RNF150: variants seen among roughly 807,000 people sequenced by gnomAD.
RNF150 encodes ring finger protein 150.
In RNF150, 24 loss-of-function variants were observed where a neutral mutation model predicts 39.3. That is an observed-to-expected ratio of 0.61 (90% CI 0.44 to 0.86). The LOEUF (loss-of-function observed/expected upper bound fraction) is 0.86, where lower values mean the gene tolerates loss of function less well. Among genes scored for constraint, RNF150 ranks in the 40% least tolerant of loss-of-function variants. The pLI, the probability that RNF150 is intolerant of heterozygous loss-of-function variation, is 0.00. For missense variants in RNF150, 502 were observed against 587.8 expected (o/e 0.85, Z 1.51); for synonymous variants, 255 against 227.3 (o/e 1.12, Z -1.10).
intron 1 of RNF150, among the ~76,000 whole-genome samples, chr4:140,993,075 T>C (rs999933323): frequency 1.3e-5 from 2 of 152,110 alleles, no homozygotes; most frequent in African/African-American, 4.8e-5. Flanking sequence ...TGCATTGGTT[T>C]CCTATCACTG....
At chr4:141,098,482 G>A (rs1386615880) in intron 1 of RNF150, among the ~76,000 whole-genome samples, 1 of 152,234 alleles carries the variant, frequency 6.6e-6, no homozygotes, top group Non-Finnish European at 1.5e-5. Context: ...TGGGAGTCAA[G>A]AGTTGCAGGT....
At chr4:141,020,268 C>T (rs1735442862) in intron 1 of RNF150, among the ~76,000 whole-genome samples, 1 of 152,150 alleles carries the variant, frequency 6.6e-6, no homozygotes, top group African/African-American at 2.4e-5. Context: ...TCTTATTCCT[C>T]TTCCCCAATA....
intron 1 of RNF150, among the ~76,000 whole-genome samples, chr4:141,185,606 C>G (rs1225449884): frequency 2.0e-5 from 3 of 152,130 alleles, no homozygotes; most frequent in African/African-American, 7.2e-5. Flanking sequence ...TTGTCTTGTG[C>G]CAGTTTTCAA....
chr4:140,996,050 C>T (rs2111489359), intron 1 of RNF150, among the ~76,000 whole-genome samples: 1 of 152,226 alleles, frequency 6.6e-6, no homozygotes, highest in African/African-American at 2.4e-5. Context: ...TGAGGACCCG[C>T]CATACAGTTC....
chr4:141,105,986 A>G (rs762226187), intron 1 of RNF150, among the ~76,000 whole-genome samples: 1 of 151,978 alleles, frequency 6.6e-6, no homozygotes, highest in Non-Finnish European at 1.5e-5. Flanking sequence ...CATCTCACCT[A>G]TTTTTCAGTT....
At chr4:140,876,450 C>T (rs1255040998) in intron 6 of RNF150, among the ~76,000 whole-genome samples, 1 of 152,222 alleles carries the variant, frequency 6.6e-6, no homozygotes, top group Non-Finnish European at 1.5e-5. Context: ...AGGAGATAAA[C>T]TACTTCCCAC....
intron 1 of RNF150, among the ~76,000 whole-genome samples, chr4:141,044,409 G>A (rs969593455): frequency 1.3e-5 from 2 of 151,954 alleles, no homozygotes; most frequent in Non-Finnish European, 2.9e-5. Context: ...TGAACTCTGG[G>A]TCTACATCAA....
intron 1 of RNF150, among the ~76,000 whole-genome samples, chr4:141,106,005 C>A (rs1578735617): frequency 6.6e-6 from 1 of 152,196 alleles, no homozygotes; most frequent in African/African-American, 2.4e-5. Context: ...TTTCACTTCA[C>A]CACACAACCC....
chr4:141,049,748 A>G (rs1373572402), intron 1 of RNF150, among the ~76,000 whole-genome samples: 1 of 151,890 alleles, frequency 6.6e-6, no homozygotes, highest in Non-Finnish European at 1.5e-5. Context: ...AAATTCATCT[A>G]TGGATATAAT....
chr4:140,954,428 A>G (rs1423739217), intron 2 of RNF150, among the ~76,000 whole-genome samples: 2 of 152,018 alleles, frequency 1.3e-5, no homozygotes, highest in African/African-American at 4.8e-5. Flanking sequence ...TAGGTCTTGA[A>G]TTCCTGATCT....
intron 1 of RNF150, among the ~76,000 whole-genome samples, chr4:141,147,489 G>C (rs1197511987): frequency 6.6e-6 from 1 of 152,224 alleles, no homozygotes; most frequent in Admixed American, 6.5e-5. Flanking sequence ...CTAGAACCCA[G>C]TCACATGGCC....
intron 1 of RNF150, among the ~76,000 whole-genome samples, chr4:140,981,300 A>C (rs1733851102): frequency 6.6e-6 from 1 of 152,174 alleles, no homozygotes; most frequent in African/African-American, 2.4e-5. Flanking sequence ...TCTTGGCGAT[A>C]GAACCCAAGT....
chr4:141,056,052 T>C (rs533944860), intron 1 of RNF150, among the ~76,000 whole-genome samples: 27 of 152,352 alleles, frequency 1.8e-4, no homozygotes, highest in African/African-American at 6.5e-4. Context: ...GGGTAACTGT[T>C]GACTCCAAAT....
At chr4:140,960,000 T>A (rs898791254) in intron 2 of RNF150, among the ~76,000 whole-genome samples, 1 of 152,096 alleles carries the variant, frequency 6.6e-6, no homozygotes, top group African/African-American at 2.4e-5. Context: ...GTACCCCCAT[T>A]CCTGTCTTCT....
intron 1 of RNF150, among the ~76,000 whole-genome samples, chr4:141,107,772 C>A (rs1179061260): frequency 6.6e-6 from 1 of 152,056 alleles, no homozygotes; most frequent in Non-Finnish European, 1.5e-5. Context: ...AAGAGCAAAC[C>A]ATTTTAACTA....
intron 1 of RNF150, among the ~76,000 whole-genome samples, chr4:141,119,941 T>C (rs1157445161): frequency 6.6e-6 from 1 of 152,214 alleles, no homozygotes; most frequent in Non-Finnish European, 1.5e-5. Flanking sequence ...CTTCCATACC[T>C]TCAATATAAG....
chr4:140,948,995 G>A (rs1345653156), intron 3 of RNF150, among the ~76,000 whole-genome samples: 1 of 152,096 alleles, frequency 6.6e-6, no homozygotes, highest in East Asian at 1.9e-4. Flanking sequence ...ACTTAAATTT[G>A]AGACCCATTT....
chr4:140,950,598 C>T (rs931003227), intron 2 of RNF150, among the ~76,000 whole-genome samples: 10 of 152,126 alleles, frequency 6.6e-5, no homozygotes, highest in South Asian at 6.2e-4. Context: ...CCAAGCCACC[C>T]GGTCAACCAA....
chr4:141,084,640 C>G (rs1738285528), intron 1 of RNF150, among the ~76,000 whole-genome samples: 1 of 152,170 alleles, frequency 6.6e-6, no homozygotes, highest in East Asian at 1.9e-4. Context: ...ACAGACAATT[C>G]TAGTACAGAG....
Sources: gnomAD v4.1 joint callset for allele counts (sites outside exome capture counted in the v4.1 genomes callset) on GRCh38, gnomAD v4.1.1 for gene constraint, MANE v1.5 for transcripts, NCBI Gene and HGNC (gene_info 2026-07-23, HGNC 2026-07-21) for gene names.